ADAMTS12: variants seen among roughly 807,000 people sequenced by gnomAD.
ADAMTS12 encodes the protein A disintegrin and metalloproteinase with thrombospondin motifs 12.
ADAMTS12 carries 118 observed loss-of-function variants against 167.8 expected under a neutral mutation model. The observed-to-expected ratio is 0.70, with a 90% CI of 0.61 to 0.82. The LOEUF is 0.82. ADAMTS12 is among the 40% of genes least tolerant of loss of function. The probability of loss-of-function intolerance (pLI) is 0.00; values close to 1 mark genes in which losing one functional copy is unlikely to be tolerated. For synonymous variants in ADAMTS12, 704 were observed against 716.9 expected, an observed-to-expected ratio of 0.98 and a Z score of 0.29; for missense variants, 1,916 against 1,998.8, an observed-to-expected ratio of 0.96 and a Z score of 0.79.
chr5:33,612,179 A>G (rs889777449), intron 16 of ADAMTS12, among the ~76,000 whole-genome samples: 6 of 152,210 alleles, frequency 3.9e-5, no homozygotes, highest in Admixed American at 3.3e-4. Context: ...CCCTCACTCA[A>G]ACAAACAGTG....
chr5:33,751,805 T>C (rs1291501593), intron 2 of ADAMTS12, among the ~76,000 whole-genome samples: 1 of 152,202 alleles, frequency 6.6e-6, no homozygotes, highest in African/African-American at 2.4e-5. Flanking sequence ...TACACATGTG[T>C]CCGAAATGTA....
intron 2 of ADAMTS12, among the ~76,000 whole-genome samples, chr5:33,810,671 C>G (rs192740741): frequency 6.6e-6 from 1 of 152,106 alleles, no homozygotes; most frequent in Non-Finnish European, 1.5e-5. Flanking sequence ...TCTGTGAGTA[C>G]CAGCAAAACA....
At chr5:33,547,167 C>T (rs1355535288) in intron 21 of ADAMTS12, among the ~76,000 whole-genome samples, 2 of 152,142 alleles carry the variant, frequency 1.3e-5, no homozygotes, top group Non-Finnish European at 1.5e-5. Context: ...CTTGTGCATA[C>T]CTACCTATGT....
chr5:33,541,190 A>C (rs879596976), intron 22 of ADAMTS12, among the ~76,000 whole-genome samples: 2 of 152,250 alleles, frequency 1.3e-5, no homozygotes, highest in Non-Finnish European at 2.9e-5. Flanking sequence ...TGACGCATGC[A>C]TAAGCTTCAA....
At chr5:33,713,421 G>C (rs1579864913) in intron 3 of ADAMTS12, among the ~76,000 whole-genome samples, 1 of 151,802 alleles carries the variant, frequency 6.6e-6, no homozygotes, top group East Asian at 1.9e-4. Flanking sequence ...TTTAACAAGA[G>C]CTTTTAAAAA....
chr5:33,589,801 C>T (rs1183588523), intron 17 of ADAMTS12, among the ~76,000 whole-genome samples: 1 of 152,152 alleles, frequency 6.6e-6, no homozygotes, highest in Non-Finnish European at 1.5e-5. Context: ...AGCCTCCTGA[C>T]TTGAGACAGC....
chr5:33,644,752 A>G (rs941540896), intron 9 of ADAMTS12, among the ~76,000 whole-genome samples: 2 of 144,506 alleles, frequency 1.4e-5, no homozygotes, highest in African/African-American at 5.1e-5. Context: ...TTTTTTTTTG[A>G]CAGAGTCTCA....
intron 20 of ADAMTS12, among the ~76,000 whole-genome samples, chr5:33,552,317 T>C (rs1745283022): frequency 6.6e-6 from 1 of 152,210 alleles, no homozygotes; most frequent in Non-Finnish European, 1.5e-5. Context: ...TCTATGACCC[T>C]GGCATCAAGT....
intron 19 of ADAMTS12, among the ~76,000 whole-genome samples, chr5:33,564,572 TAGG>T (rs1400010754): frequency 2.0e-5 from 3 of 152,098 alleles, no homozygotes; most frequent in African/African-American, 4.8e-5. Context: ...GTGGAAAAGA[TAGG>T]AGAAGGGAGA....
intron 5 of ADAMTS12, among the ~76,000 whole-genome samples, chr5:33,665,853 C>T: frequency 6.6e-6 from 1 of 152,214 alleles, no homozygotes; most frequent in East Asian, 1.9e-4. Context: ...ATGGGGATCA[C>T]ATCTCTCAGG....
chr5:33,704,990 A>G (rs544620529), intron 3 of ADAMTS12, among the ~76,000 whole-genome samples: 1 of 151,438 alleles, frequency 6.6e-6, no homozygotes, highest in South Asian at 2.1e-4. Context: ...TTTTTTGTAT[A>G]TAGTGTGAGG....
At chr5:33,888,874 G>T (rs1750742766) in intron 1 of ADAMTS12, among the ~76,000 whole-genome samples, 1 of 152,184 alleles carries the variant, frequency 6.6e-6, no homozygotes, top group Admixed American at 6.5e-5. Context: ...GAGCAATGTG[G>T]AAAGAATACT....
In ADAMTS12 at chr5:33,662,296, C is replaced by A. The variant is rs75961040; in HGVS notation, c.916-256G>T. ...AGACAGAAATTATCCCTGGGACAAG[C>A]AGCCCTTGAAGAACATTTAAAAATA... is the stretch of plus-strand genomic sequence containing the variant. On this transcript the variant is annotated intron_variant, in intron 5 of 23. Transcript: ENST00000504830. Among the ~76,000 whole-genome samples, 973 of 152,318 alleles carry A rather than the reference C, an allele frequency of 6.4e-3. 7 individuals carry two copies. Among genetic ancestry groups the A allele is most frequent in the African/African-American group, 0.023 (940 of 41,572 alleles).
At chr5:33,644,296 A>C (rs1468904231) in intron 9 of ADAMTS12, among the ~76,000 whole-genome samples, 1 of 152,140 alleles carries the variant, frequency 6.6e-6, no homozygotes, top group South Asian at 2.1e-4. Context: ...CCTCACTTTC[A>C]TATTCCTCAT....
At chr5:33,577,986 T>C (rs1233831429) in intron 18 of ADAMTS12, among the ~76,000 whole-genome samples, 2 of 152,218 alleles carry the variant, frequency 1.3e-5, no homozygotes, top group Non-Finnish European at 1.5e-5. Flanking sequence ...ATTGCATCAA[T>C]TTCAACACCT....
intron 19 of ADAMTS12, among the ~76,000 whole-genome samples, chr5:33,569,202 C>G (rs1387428632): frequency 2.6e-5 from 4 of 152,244 alleles, no homozygotes; most frequent in Non-Finnish European, 4.4e-5. Context: ...GTAACCTCTG[C>G]AGACTTAAAT....
intron 2 of ADAMTS12, among the ~76,000 whole-genome samples, chr5:33,819,341 T>C (rs948764273): frequency 6.6e-6 from 1 of 152,150 alleles, no homozygotes; most frequent in African/African-American, 2.4e-5. Flanking sequence ...ACTATTCTTT[T>C]TTCATTGTGT....
intron 16 of ADAMTS12, among the ~76,000 whole-genome samples, chr5:33,611,974 T>G (rs1485827500): frequency 6.6e-6 from 1 of 152,254 alleles, no homozygotes; most frequent in Admixed American, 6.5e-5. Context: ...GTGTTTAACT[T>G]ACTTTTACAG....
At chr5:33,561,514 G>A (rs926357647) in intron 19 of ADAMTS12, among the ~76,000 whole-genome samples, 1 of 152,222 alleles carries the variant, frequency 6.6e-6, no homozygotes. Flanking sequence ...CAGGGGCAGT[G>A]GCTCATGCCT....
Sources: gnomAD v4.1 joint callset for allele counts (sites outside exome capture counted in the v4.1 genomes callset) on GRCh38, gnomAD v4.1.1 for gene constraint, MANE v1.5 for transcripts, NCBI Gene and HGNC (gene_info 2026-07-23, HGNC 2026-07-21) for gene names.